The following DEFB123 variants were observed in gnomAD, a reference collection of about 807,000 sequenced individuals.
DEFB123 encodes the protein defensin beta 123.
For missense variants in DEFB123, 71 were observed against 75.0 expected (o/e 0.95, Z 0.20); for synonymous variants, 22 against 28.3 (o/e 0.78, Z 0.71).
chr20:31,447,467 G>T (rs570596600), intron 1 of DEFB123, among the ~76,000 whole-genome samples: 5 of 145,844 alleles, frequency 3.4e-5, no homozygotes, highest in Non-Finnish European at 7.5e-5. Context: ...AATGTTCTCC[G>T]TTTTCAAATA....
chr20:31,447,413 A>T (rs1979616998), intron 1 of DEFB123, among the ~76,000 whole-genome samples: 1 of 152,184 alleles, frequency 6.6e-6, no homozygotes. Flanking sequence ...TTCTGCCTGA[A>T]TAACTTCCTT....
At chr20:31,448,766 C>T (rs1328786176) in intron 1 of DEFB123, among the ~76,000 whole-genome samples, 1 of 152,004 alleles carries the variant, frequency 6.6e-6, no homozygotes. Flanking sequence ...GGCTGAAGTG[C>T]GATGGCACGA....
intron 1 of DEFB123, among the ~76,000 whole-genome samples, chr20:31,448,976 C>T (rs2122420028): frequency 6.6e-6 from 1 of 151,694 alleles, no homozygotes; most frequent in East Asian, 1.9e-4. Context: ...GATCCACCCA[C>T]CTTGGCCTCC....
intron 1 of DEFB123, among the ~76,000 whole-genome samples, chr20:31,446,959 A>C (rs1364154585): frequency 6.7e-6 from 1 of 149,698 alleles, no homozygotes; most frequent in Non-Finnish European, 1.5e-5. Context: ...AAAAAAAAAA[A>C]ACAAAAACAA....
intron 1 of DEFB123, among the ~76,000 whole-genome samples, 175 bp from the exon 2 acceptor site, chr20:31,449,854 A>G (rs1979692659): frequency 6.6e-6 from 1 of 151,890 alleles, no homozygotes; most frequent in Admixed American, 6.6e-5. Flanking sequence ...TCTCAGTCAA[A>G]GGTGGGAAGC....
chr20:31,440,861 C>T (rs1403377376), intron 1 of DEFB123, 105 bp downstream of exon 1: 4 of 1,384,728 alleles, frequency 2.9e-6, no homozygotes, highest in Non-Finnish European at 3.0e-6. Flanking sequence ...TCTAGCACCA[C>T]GTATAGGAGG....
At chr20:31,447,629 C>A (rs1979622149) in intron 1 of DEFB123, among the ~76,000 whole-genome samples, 1 of 148,556 alleles carries the variant, frequency 6.7e-6, no homozygotes, top group Non-Finnish European at 1.5e-5. Context: ...TTTTTTTTTC[C>A]TTTCTTTGAG....
chr20:31,448,887 T>C (rs927580207), intron 1 of DEFB123, among the ~76,000 whole-genome samples: 1 of 149,364 alleles, frequency 6.7e-6, no homozygotes, highest in East Asian at 2.0e-4. Context: ...AATTTTTTTT[T>C]TTTTTTTTTT....
At chr20:31,450,006 C>G (rs1310784340) in intron 1 of DEFB123, 23 bp from the exon 2 acceptor site, 5 of 1,599,376 alleles carry the variant, frequency 3.1e-6, no homozygotes, top group Non-Finnish European at 4.3e-6. Flanking sequence ...GATACTGTCT[C>G]CCTTCTTTCT....
chr20:31,442,171 T>A (rs6120282), intron 1 of DEFB123, among the ~76,000 whole-genome samples: 1 of 152,006 alleles, frequency 6.6e-6, no homozygotes, highest in African/African-American at 2.4e-5. Flanking sequence ...GGGCTGGGCC[T>A]GAACTCAGCA....
chr20:31,449,139 T>C lies in DEFB123; in HGVS notation c.59-890T>C, dbSNP rs116414307. ...CTGTTTTATCATCCTTGTCTGCTAG[T>C]TTCATCATCATTGTCATTTCTGTGT... is the stretch of plus-strand genomic sequence containing the variant. On this transcript the variant is annotated intron_variant, in intron 1 of 1. Coordinates refer to ENST00000376309, the MANE Select transcript of DEFB123 (RefSeq NM_153324.4). Among the ~76,000 whole-genome samples, 1,001 of 152,264 alleles carry C rather than the reference T, an allele frequency of 6.6e-3. 15 individuals are homozygous for C. The highest frequency in any genetic ancestry group is 0.023 in the African/African-American group (950 of 41,552).
chr20:31,448,983 C>A (rs923712220), intron 1 of DEFB123, among the ~76,000 whole-genome samples: 1 of 151,700 alleles, frequency 6.6e-6, no homozygotes, highest in African/African-American at 2.4e-5. Flanking sequence ...CCACCTTGGC[C>A]TCCCAAAGTG....
Position 31,448,878 on chromosome 20 carries a change from ATTTTTTTT to A in DEFB123, c.59-1137_59-1130del, listed in dbSNP as rs34804733. 3.7e-4 allele frequency among the ~76,000 whole-genome samples: 44 copies of A among 119,948 alleles called. No individual in the cohort carries two copies. The East Asian group carries it at 4.0e-3, about 11-fold the overall frequency. 78.7% of individuals were successfully genotyped at this position (119,948 alleles called of 152,430 possible). ...AGGCATGTGCCACCACGCCCAGCTA[ATTTTTTTT>A]TTTTTTTTTTTTTGTATTTTTAGTA... On this transcript the variant is annotated intron_variant, in intron 1 of 1. Transcript: ENST00000376309.
chr20:31,446,615 G>A (rs1979590821), intron 1 of DEFB123, among the ~76,000 whole-genome samples: 1 of 152,240 alleles, frequency 6.6e-6, no homozygotes, highest in South Asian at 2.1e-4. Context: ...TTCTAGGCCG[G>A]TCTTGTGCAG....
At chr20:31,449,427 G>T (rs535632444) in intron 1 of DEFB123, among the ~76,000 whole-genome samples, 1 of 152,186 alleles carries the variant, frequency 6.6e-6, no homozygotes, top group Admixed American at 6.5e-5. Context: ...ATAGCCTTCC[G>T]AGTACTAAAT....
chr20:31,446,743 C>A (rs1428383786), intron 1 of DEFB123, among the ~76,000 whole-genome samples: 1 of 152,168 alleles, frequency 6.6e-6, no homozygotes, highest in Non-Finnish European at 1.5e-5. Flanking sequence ...AAACAGTATA[C>A]TGTACTTCCA....
intron 1 of DEFB123, among the ~76,000 whole-genome samples, chr20:31,449,587 C>A (rs1399950454): frequency 6.6e-6 from 1 of 151,864 alleles, no homozygotes; most frequent in Non-Finnish European, 1.5e-5. Context: ...TCCTCTTGCA[C>A]ATGCACAGAA....
Position 31,440,673 on chromosome 20 carries a change from C to T in DEFB123, c.-26C>T. 6.2e-7 allele frequency: 1 copy of T among 1,613,452 alleles called. No homozygotes were observed. ...TAGCTCAGCCGTGGCATCGGACTTG[C>T]AGCTTCATTTTGGGCTGCCTTAGCC... On this transcript the variant is annotated 5_prime_UTR_variant, in exon 1 of 2. Transcript: ENST00000376309.
At chr20:31,441,596 G>C (rs963871914) in intron 1 of DEFB123, among the ~76,000 whole-genome samples, 2 of 152,118 alleles carry the variant, frequency 1.3e-5, no homozygotes, top group Admixed American at 6.6e-5. Flanking sequence ...TTTAAACAGA[G>C]AAAGACCCTG....
Sources: allele counts gnomAD v4.1 joint callset (sites outside exome capture counted in the v4.1 genomes callset), GRCh38; gene constraint gnomAD v4.1.1; transcripts MANE v1.5; gene names NCBI Gene and HGNC (gene_info 2026-07-23, HGNC 2026-07-21).